Variants in EGFLAM observed in about 807,000 individuals in gnomAD.
EGFLAM encodes the protein pikachurin.
A neutral mutation model predicts 113.1 loss-of-function variants in EGFLAM; 79 were observed. The observed-to-expected ratio is 0.70, with a 90% CI of 0.58 to 0.84. The LOEUF is 0.84. EGFLAM is among the 40% of genes least tolerant of loss of function. EGFLAM has a pLI of 0.00. For missense variants in EGFLAM, 1,265 were observed against 1,291.6 expected (o/e 0.98, Z 0.32); for synonymous variants, 504 against 487.6 (o/e 1.03, Z -0.44).
chr5:38,403,116 A>C (rs1343837517), intron 6 of EGFLAM: 1 of 152,264 alleles, frequency 6.6e-6, no homozygotes, highest in Non-Finnish European at 1.5e-5. Context: ...GCAGAGATAG[A>C]AATGAAGAGT....
At chr5:38,432,505 G>C (rs1742219458) in intron 15 of EGFLAM, among the ~76,000 whole-genome samples, 1 of 151,228 alleles carries the variant, frequency 6.6e-6, no homozygotes, top group East Asian at 2.0e-4. Flanking sequence ...GCAGGGAAGG[G>C]GGGAGGGAAG....
At chr5:38,271,682 A>T (rs1227146631) in intron 1 of EGFLAM, among the ~76,000 whole-genome samples, 2 of 152,204 alleles carry the variant, frequency 1.3e-5, no homozygotes, top group Non-Finnish European at 2.9e-5. Flanking sequence ...CTCCAGTTCT[A>T]TGAAGTCTTC....
chr5:38,399,278 T>G (rs867280952), intron 6 of EGFLAM, among the ~76,000 whole-genome samples: 9 of 92,446 alleles, frequency 9.7e-5, no homozygotes, highest in Admixed American at 7.3e-4. Flanking sequence ...TTTGTTTTCG[T>G]TTTTTTTTTT....
At chr5:38,283,616 C>G (rs1000865392) in intron 1 of EGFLAM, among the ~76,000 whole-genome samples, 1 of 152,120 alleles carries the variant, frequency 6.6e-6, no homozygotes, top group African/African-American at 2.4e-5. Flanking sequence ...AGACAAGTCA[C>G]TTGTCTGAGG....
At chr5:38,355,383 G>A (rs961303882) in intron 5 of EGFLAM, among the ~76,000 whole-genome samples, 5 of 152,166 alleles carry the variant, frequency 3.3e-5, no homozygotes, top group African/African-American at 9.7e-5. Context: ...AGTGACAGGA[G>A]CACAGCATGT....
chr5:38,323,442 T>C (rs1425441661), intron 1 of EGFLAM, among the ~76,000 whole-genome samples: 1 of 152,236 alleles, frequency 6.6e-6, no homozygotes, highest in East Asian at 1.9e-4. Flanking sequence ...TCTTAAGCAG[T>C]ATAGCTTCTA....
At chr5:38,460,035 C>T (rs1173493112) in intron 20 of EGFLAM, among the ~76,000 whole-genome samples, 2 of 152,232 alleles carry the variant, frequency 1.3e-5, no homozygotes, top group African/African-American at 2.4e-5. Flanking sequence ...CTCCAAAATA[C>T]TCCAAACTCT....
intron 5 of EGFLAM, among the ~76,000 whole-genome samples, chr5:38,361,311 A>C (rs1739914432): frequency 6.6e-6 from 1 of 152,160 alleles, no homozygotes; most frequent in Non-Finnish European, 1.5e-5. Context: ...CTACTCCCAG[A>C]TTAGGTTAGC....
rs1354985747 is a variant in EGFLAM at position 38,396,347 on chromosome 5, C to T, written c.713-9779C>T. On this transcript the variant is annotated intron_variant, in intron 6 of 21. Transcript: ENST00000322350. ...TGATGCTATGGGTAATAGTTTTCTC[C>T]CATTAACAGTCAGTTTACAATTGCT... is the stretch of plus-strand genomic sequence containing the variant. Among the ~76,000 whole-genome samples the T allele has an allele frequency of 3.3e-5, 5 of 152,200 alleles. No individual in the cohort carries two copies. In the East Asian group the frequency reaches 9.6e-4, roughly 29 times the overall value.
At chr5:38,271,669 T>C (rs1398569792) in intron 1 of EGFLAM, among the ~76,000 whole-genome samples, 1 of 152,228 alleles carries the variant, frequency 6.6e-6, no homozygotes, top group Non-Finnish European at 1.5e-5. Context: ...ATGTCCCAGT[T>C]ACCTCCAGTT....
chr5:38,334,957 G>A (rs900559666), intron 1 of EGFLAM, among the ~76,000 whole-genome samples: 28 of 152,148 alleles, frequency 1.8e-4, no homozygotes, highest in African/African-American at 6.0e-4. Flanking sequence ...TTTTCACGAC[G>A]GGTTGGGGAG....
chr5:38,425,435 G>A (rs1410586152), intron 13 of EGFLAM, among the ~76,000 whole-genome samples: 1 of 152,186 alleles, frequency 6.6e-6, no homozygotes, highest in East Asian at 1.9e-4. Context: ...CCAAAGTGCT[G>A]GGATTACAGG....
At chr5:38,346,698 A>AG (rs58952508) in intron 3 of EGFLAM, 12,440 of 152,148 alleles carry the variant, frequency 0.082, 1,728 homozygotes, top group African/African-American at 0.28. Context: ...CCTAAAGCAA[A>AG]ACTGGGAGAG....
chr5:38,300,215 G>A (rs1481131189), intron 1 of EGFLAM, among the ~76,000 whole-genome samples: 2 of 152,168 alleles, frequency 1.3e-5, no homozygotes, highest in Non-Finnish European at 2.9e-5. Context: ...CCTGTTCCAG[G>A]AACATAAAGG....
At chr5:38,435,748 C>T (rs1367339767) in intron 16 of EGFLAM, among the ~76,000 whole-genome samples, 2 of 151,072 alleles carry the variant, frequency 1.3e-5, no homozygotes, top group Non-Finnish European at 2.9e-5. Flanking sequence ...AAGAGTTCTT[C>T]CCTAGAAGGT....
At position 38,445,778 on chromosome 5, in the gene EGFLAM, C is replaced by T. The variant is rs570873667; in HGVS notation, c.2465-2523C>T. ...CAGGCCAACCGCATGCAGGGGGACC[C>T]GGGGTGAGTGGTGTGGGAGCTGGGA... is the stretch of plus-strand genomic sequence containing the variant. On this transcript the variant is annotated intron_variant, in intron 17 of 21. Transcript: ENST00000322350. The T allele has an allele frequency of 2.1e-5, 31 of 1,485,684 alleles. No homozygotes were observed. In the Middle Eastern group the frequency reaches 1.6e-3, roughly 75 times the overall value. The allele number at this position is 1,485,684 out of a possible 1,614,324, so 92.0% of individuals were successfully genotyped here. A position where few individuals can be genotyped will look rare whatever the true frequency, so the allele number is the denominator to read the frequency against.
intron 1 of EGFLAM, chr5:38,284,179 CATT>C (rs1758093944): frequency 6.6e-6 from 1 of 152,232 alleles, no homozygotes; most frequent in Non-Finnish European, 1.5e-5. Flanking sequence ...GCTTGCCTCT[CATT>C]GTTGGGGATA....
chr5:38,297,434 A>G (rs1029889981), intron 1 of EGFLAM, among the ~76,000 whole-genome samples: 2 of 152,228 alleles, frequency 1.3e-5, no homozygotes, highest in Non-Finnish European at 2.9e-5. Context: ...AGAAACATAG[A>G]TATTCCTAGA....
chr5:38,463,783 C>G, intron 21 of EGFLAM, 49 bp from the exon 22 acceptor site: 2 of 1,600,242 alleles, frequency 1.2e-6, no homozygotes, highest in Non-Finnish European at 1.7e-6. Flanking sequence ...CCTTGCCCTG[C>G]GGACACCTGT....
Sources: allele counts gnomAD v4.1 joint callset (sites outside exome capture counted in the v4.1 genomes callset), GRCh38; gene constraint gnomAD v4.1.1; transcripts MANE v1.5; gene names NCBI Gene and HGNC (gene_info 2026-07-23, HGNC 2026-07-21).